Variants in NAALADL2 observed in about 807,000 individuals in gnomAD.
The protein encoded by NAALADL2 is inactive N-acetylated-alpha-linked acidic dipeptidase-like protein 2.
A neutral mutation model predicts 87.2 loss-of-function variants in NAALADL2; 76 were observed. The ratio of observed to expected loss-of-function variants is 0.87; its 90% CI spans 0.72 to 1.05. NAALADL2 has a LOEUF of 1.05. NAALADL2 is among the 50% of genes least tolerant of loss of function. The pLI is 0.00. For synonymous variants in NAALADL2, 354 were observed against 331.0 expected (o/e 1.07, Z -0.75); for missense variants, 1,089 against 945.8 (o/e 1.15, Z -1.99).
At chr3:174,895,991 G>A (rs942250686) in intron 1 of NAALADL2, among the ~76,000 whole-genome samples, 6 of 151,718 alleles carry the variant, frequency 4.0e-5, no homozygotes, top group Admixed American at 2.0e-4. Flanking sequence ...ATTTAACATC[G>A]TTACATGATA....
intron 5 of NAALADL2, among the ~76,000 whole-genome samples, chr3:175,446,467 C>A (rs774030936): frequency 2.0e-5 from 3 of 152,162 alleles, no homozygotes; most frequent in Non-Finnish European, 4.4e-5. Flanking sequence ...GTCTTGAAAT[C>A]CTGACCTCAA....
Position 175,615,613 on chromosome 3 carries a change from C to CT in NAALADL2, c.1801-11676dup, listed in dbSNP as rs11465012. Among the ~76,000 whole-genome samples, 388 of 151,938 alleles carry CT rather than the reference C, an allele frequency of 2.6e-3. 2 individuals are homozygous for CT. The highest frequency in any genetic ancestry group is 8.9e-3 in the African/African-American group (367 of 41,466). Reference sequence around the variant, plus strand: ...TGGCTCATATCTGTAATCCCAGCACCTTGGGGGGCCAAGGTAGGAGGATCA... The same window carrying CT: ...TGGCTCATATCTGTAATCCCAGCACCTTTGGGGGGCCAAGGTAGGAGGATCA... On this transcript the variant is annotated intron_variant, in intron 10 of 13. Transcript: ENST00000454872.
At chr3:175,679,011 T>G (rs1231917253) in intron 11 of NAALADL2, among the ~76,000 whole-genome samples, 1 of 150,754 alleles carries the variant, frequency 6.6e-6, no homozygotes, top group Non-Finnish European at 1.5e-5. Context: ...TAAAGGAAAA[T>G]TCAGTCAAAG....
intron 1 of NAALADL2, among the ~76,000 whole-genome samples, chr3:174,458,066 T>C (rs1362440664): frequency 6.6e-6 from 1 of 152,098 alleles, no homozygotes; most frequent in African/African-American, 2.4e-5. Flanking sequence ...GGTGGAGAAA[T>C]AATCTGTACA....
intron 2 of NAALADL2, among the ~76,000 whole-genome samples, chr3:174,732,701 G>C (rs1325603857): frequency 6.6e-6 from 1 of 152,024 alleles, no homozygotes; most frequent in Non-Finnish European, 1.5e-5. Context: ...TTCAAAACAG[G>C]GAATTTTTAT....
intron 1 of NAALADL2, among the ~76,000 whole-genome samples, chr3:174,887,901 A>G (rs140150600): frequency 0.012 from 1,868 of 152,200 alleles, 38 homozygotes; most frequent in African/African-American, 0.043. Context: ...GCATTTTAAC[A>G]AAAGTAAGAT....
intron 3 of NAALADL2, among the ~76,000 whole-genome samples, chr3:174,832,896 A>G (rs972349627): frequency 6.6e-6 from 1 of 152,196 alleles, no homozygotes; most frequent in Admixed American, 6.5e-5. Context: ...AACAAAAAAG[A>G]TGTCGTCGTG....
At chr3:175,636,697 AAAAAAAAAAAAAAAAAAG>A (rs1728607202) in intron 11 of NAALADL2, among the ~76,000 whole-genome samples, 1 of 124,768 alleles carries the variant, frequency 8.0e-6, no homozygotes, top group South Asian at 2.9e-4. Context: ...GACTCCATCT[AAAAAAAAAAAAAAAAAAG>A]AAAAAAAAAG....
chr3:174,853,192 C>T (rs564997153), intron 3 of NAALADL2, among the ~76,000 whole-genome samples: 25 of 116,126 alleles, frequency 2.2e-4, no homozygotes, highest in African/African-American at 6.3e-4. Context: ...GGTGAAACCC[C>T]GTCTCTACCA....
chr3:174,925,773 T>C (rs1353478635), intron 1 of NAALADL2, among the ~76,000 whole-genome samples: 3 of 152,172 alleles, frequency 2.0e-5, no homozygotes, highest in Non-Finnish European at 4.4e-5. Context: ...GTAGTTCTCC[T>C]TGAAGAGGTC....
Position 175,071,245 on chromosome 3 carries a change from A to G in NAALADL2, c.44-25545A>G, listed in dbSNP as rs147613964. ...GCGTGTCTGACTTGTTTTGGTGTAA[A>G]GAATGTTTTTCAGCTCTGTTTTTAT... is the stretch of plus-strand genomic sequence containing the variant. On this transcript the variant is annotated intron_variant, in intron 1 of 13. Coordinates refer to ENST00000454872, the MANE Select transcript of NAALADL2 (RefSeq NM_207015.3). 1.4e-4 allele frequency among the ~76,000 whole-genome samples: 22 copies of G among 152,250 alleles called. No individual in the cohort carries two copies. The East Asian group carries it at 3.7e-3, about 25-fold the overall frequency.
intron 2 of NAALADL2, among the ~76,000 whole-genome samples, chr3:174,598,716 G>T (rs889147701): frequency 1.3e-5 from 2 of 152,066 alleles, no homozygotes; most frequent in Non-Finnish European, 2.9e-5. Flanking sequence ...GACAGCAAAA[G>T]TTAACCAAAG....
At chr3:175,023,093 T>C (rs999709199) in intron 1 of NAALADL2, among the ~76,000 whole-genome samples, 2 of 152,096 alleles carry the variant, frequency 1.3e-5, no homozygotes, top group African/African-American at 4.8e-5. Context: ...TCCAATAGGT[T>C]CTTTTGCATG....
Position 175,617,011 on chromosome 3 carries a change from G to T in NAALADL2, c.1801-10280G>T, listed in dbSNP as rs138000559. On this transcript the variant is annotated intron_variant, in intron 10 of 13. Coordinates refer to ENST00000454872, the MANE Select transcript of NAALADL2 (RefSeq NM_207015.3). ...AAAGGGAGAAGAAGAATCTGTCCTGGAGTCATGAGGATGGTAGTTCCCATA... is the reference window on the plus strand; with the variant it reads ...AAAGGGAGAAGAAGAATCTGTCCTGTAGTCATGAGGATGGTAGTTCCCATA... 3.3e-5 allele frequency among the ~76,000 whole-genome samples: 5 copies of T among 152,218 alleles called. No homozygotes were observed. The East Asian group carries it at 9.7e-4, about 29-fold the overall frequency.
At chr3:175,058,375 C>G (rs1712682469) in intron 1 of NAALADL2, among the ~76,000 whole-genome samples, 1 of 152,136 alleles carries the variant, frequency 6.6e-6, no homozygotes, top group African/African-American at 2.4e-5. Flanking sequence ...TCACACATAG[C>G]TAGGCCCTGG....
At chr3:175,026,603 C>T (rs892184956) in intron 1 of NAALADL2, among the ~76,000 whole-genome samples, 4 of 151,366 alleles carry the variant, frequency 2.6e-5, no homozygotes, top group Non-Finnish European at 5.9e-5. Context: ...CTCAGTGAGC[C>T]GAGATCACTC....
In NAALADL2 at chr3:175,517,679, T is replaced by A. The variant is rs113680374; in HGVS notation, c.1653+45921T>A. 4.9e-3 allele frequency among the ~76,000 whole-genome samples: 743 copies of A among 152,202 alleles called. 3 individuals are homozygous for A. The highest frequency in any genetic ancestry group is 7.9e-3 in the Non-Finnish European group (537 of 68,014). On this transcript the variant is annotated intron_variant, in intron 9 of 13. Transcript: ENST00000454872. ...TAAATCCTCGAGGTTCATCATCTCATGCCAAGAAGATTAAGGGCATGGACA... is the reference window on the plus strand; with the variant it reads ...TAAATCCTCGAGGTTCATCATCTCAAGCCAAGAAGATTAAGGGCATGGACA...
intron 3 of NAALADL2, among the ~76,000 whole-genome samples, chr3:174,771,596 T>C (rs1372176185): frequency 4.6e-5 from 7 of 152,122 alleles, no homozygotes; most frequent in Admixed American, 1.3e-4. Context: ...AAGAAGTAAA[T>C]TGGAGCCTGA....
chr3:174,641,076 G>C (rs930266039), intron 2 of NAALADL2, among the ~76,000 whole-genome samples: 1 of 152,186 alleles, frequency 6.6e-6, no homozygotes. Flanking sequence ...GAGTTAATCA[G>C]AAGGGAGATT....
Sources: allele counts gnomAD v4.1 joint callset (sites outside exome capture counted in the v4.1 genomes callset), GRCh38; gene constraint gnomAD v4.1.1; transcripts MANE v1.5; gene names NCBI Gene and HGNC (gene_info 2026-07-23, HGNC 2026-07-21).